Variants in EXOC6B observed in about 807,000 individuals in gnomAD.
EXOC6B encodes SEC15 homolog B.
Under a neutral mutation model 113.5 loss-of-function variants are expected in EXOC6B, and 54 were observed. The observed-to-expected ratio is 0.48, with a 90% CI of 0.38 to 0.60. The LOEUF is 0.60. EXOC6B is among the 20% of genes least tolerant of loss of function. The pLI is 0.00. For missense variants in EXOC6B, 797 were observed against 977.5 expected, an observed-to-expected ratio of 0.82 and a Z score of 2.46; for synonymous variants, 357 against 339.0, an observed-to-expected ratio of 1.05 and a Z score of -0.58.
At chr2:72,192,812 T>G (rs1446957609) in intron 20 of EXOC6B, among the ~76,000 whole-genome samples, 1 of 152,190 alleles carries the variant, frequency 6.6e-6, no homozygotes, top group Non-Finnish European at 1.5e-5. Flanking sequence ...GAAGTAAATT[T>G]GATGTAGGAA....
intron 20 of EXOC6B, among the ~76,000 whole-genome samples, chr2:72,286,732 A>G (rs1455396435): frequency 6.6e-6 from 1 of 152,162 alleles, no homozygotes; most frequent in Non-Finnish European, 1.5e-5. Flanking sequence ...GAGGCTATGC[A>G]TGTAGAGGGG....
chr2:72,403,600 G>A (rs1395599251), intron 18 of EXOC6B, among the ~76,000 whole-genome samples: 1 of 152,164 alleles, frequency 6.6e-6, no homozygotes, highest in Non-Finnish European at 1.5e-5. Flanking sequence ...AGACTGAGGT[G>A]GGAGGATGGC....
chr2:72,452,285 G>C (rs2105365677), intron 18 of EXOC6B, among the ~76,000 whole-genome samples: 1 of 152,270 alleles, frequency 6.6e-6, no homozygotes, highest in South Asian at 2.1e-4. Flanking sequence ...GTCCCTGTTA[G>C]ACATTCCAAT....
intron 20 of EXOC6B, among the ~76,000 whole-genome samples, chr2:72,222,810 A>G (rs986981499): frequency 2.0e-5 from 3 of 152,066 alleles, no homozygotes; most frequent in Non-Finnish European, 4.4e-5. Flanking sequence ...GCTACTTTGA[A>G]CCCTAACTGG....
chr2:72,362,504 A>G (rs949379682), intron 19 of EXOC6B, among the ~76,000 whole-genome samples: 3 of 152,162 alleles, frequency 2.0e-5, no homozygotes, highest in Admixed American at 1.3e-4. Context: ...TGGCTGTTTC[A>G]AATGATTTTA....
intron 1 of EXOC6B, among the ~76,000 whole-genome samples, chr2:72,751,406 A>G (rs1463921422): frequency 1.3e-5 from 2 of 152,070 alleles, no homozygotes; most frequent in Non-Finnish European, 2.9e-5. Flanking sequence ...GGTTACAATA[A>G]GGGGTTGTAG....
At chr2:72,698,602 A>G (rs1678061182) in intron 6 of EXOC6B, among the ~76,000 whole-genome samples, 1 of 151,714 alleles carries the variant, frequency 6.6e-6, no homozygotes, top group African/African-American at 2.4e-5. Context: ...TACAACAGAA[A>G]TAAGGAGCAA....
intron 18 of EXOC6B, among the ~76,000 whole-genome samples, chr2:72,430,250 A>G (rs1695443286): frequency 6.6e-6 from 1 of 152,218 alleles, no homozygotes. Context: ...TCTTCCAAAT[A>G]CTATATGTGG....
rs573236556 is a variant in EXOC6B at position 72,195,046 on chromosome 2, T to C, written c.2197-10859A>G. The stretch of plus-strand genomic sequence containing the variant: ...CAGTGACCAATTGCCTATCAGCAGC[T>C]TCCTCTGAAAGGGAACATCACCCTG... On this transcript the variant is annotated intron_variant, in intron 20 of 21. Transcript: ENST00000272427. 1.7e-3 allele frequency among the ~76,000 whole-genome samples: 255 copies of C among 152,300 alleles called. 2 individuals carry two copies. Among genetic ancestry groups the C allele is most frequent in the African/African-American group, 6.0e-3 (249 of 41,562 alleles).
intron 6 of EXOC6B, among the ~76,000 whole-genome samples, chr2:72,689,919 C>T (rs547709039): frequency 6.6e-6 from 1 of 152,260 alleles, no homozygotes; most frequent in South Asian, 2.1e-4. Flanking sequence ...ATGACTAAGC[C>T]AAGACAATTT....
chr2:72,294,090 AC>A (rs779789861), intron 20 of EXOC6B, among the ~76,000 whole-genome samples: 297 of 152,114 alleles, frequency 2.0e-3, no homozygotes, highest in Non-Finnish European at 3.7e-3. Flanking sequence ...AAAAAAAAAA[AC>A]AATAGTAGAA....
intron 6 of EXOC6B, among the ~76,000 whole-genome samples, chr2:72,654,164 G>A (rs570286776): frequency 4.6e-5 from 7 of 152,148 alleles, no homozygotes; most frequent in African/African-American, 1.7e-4. Context: ...TAGAGACGGG[G>A]TTTCACCGTG....
chr2:72,592,569 C>G (rs1401672384), intron 6 of EXOC6B, among the ~76,000 whole-genome samples: 1 of 152,034 alleles, frequency 6.6e-6, no homozygotes, highest in African/African-American at 2.4e-5. Context: ...AACGTGAATC[C>G]TCTCCAAAAA....
chr2:72,516,275 A>C, intron 8 of EXOC6B, among the ~76,000 whole-genome samples: 1 of 151,986 alleles, frequency 6.6e-6, no homozygotes, highest in Non-Finnish European at 1.5e-5. Context: ...TTGAGACAGC[A>C]TCTCACTCTG....
chr2:72,816,472 T>C (rs1026682189), intron 1 of EXOC6B, among the ~76,000 whole-genome samples: 1 of 152,148 alleles, frequency 6.6e-6, no homozygotes, highest in Admixed American at 6.5e-5. Context: ...TAATATATGC[T>C]CCTATTTGCA....
rs1275345252 is a variant in EXOC6B, at chr2:72,177,380, AC to A, written c.*1954del. On this transcript the variant is annotated 3_prime_UTR_variant, in exon 22 of 22. Coordinates refer to ENST00000272427, the MANE Select transcript of EXOC6B (RefSeq NM_015189.3). ...GAAGAGATCTTGCTGCAAACTGGGTACTAGCAAAGAGAAGTGTTTTGAACTC... is the reference window on the plus strand; with the variant it reads ...GAAGAGATCTTGCTGCAAACTGGGTATAGCAAAGAGAAGTGTTTTGAACTC... The A allele has an allele frequency of 3.3e-5, 5 of 152,262 alleles. No individual in the cohort carries two copies. The highest frequency in any genetic ancestry group is 1.2e-4 in the African/African-American group (5 of 41,482). The allele number at this position is 152,262 out of a possible 1,614,324, so 9.4% of individuals were successfully genotyped here.
At chr2:72,221,503 C>G (rs1295961971) in intron 20 of EXOC6B, among the ~76,000 whole-genome samples, 1 of 152,170 alleles carries the variant, frequency 6.6e-6, no homozygotes, top group African/African-American at 2.4e-5. Context: ...ACTCTCCAAT[C>G]CCTTTCCCTT....
In EXOC6B at chr2:72,177,259, C is replaced by G. The variant is rs1481394069; in HGVS notation, c.*2076G>C. ...GTTCTTCCAAGGCAGAGGTTTGAGA[C>G]CAGACCAGCAATGATGATCCTCTAA... On this transcript the variant is annotated 3_prime_UTR_variant, in exon 22 of 22. Coordinates refer to ENST00000272427, the MANE Select transcript of EXOC6B (RefSeq NM_015189.3). The G allele has an allele frequency of 1.3e-5, 2 of 152,224 alleles. No homozygotes were observed. The highest frequency in any genetic ancestry group is 4.8e-5 in the African/African-American group (2 of 41,454). 9.4% of individuals were successfully genotyped at this position (152,224 alleles called of 1,614,324 possible).
At chr2:72,607,725 C>T (rs369333940) in intron 6 of EXOC6B, among the ~76,000 whole-genome samples, 2 of 151,878 alleles carry the variant, frequency 1.3e-5, no homozygotes, top group African/African-American at 4.8e-5. Flanking sequence ...GTAAGTTAAG[C>T]AAACTTTACA....
Sources: gnomAD v4.1 joint callset for allele counts (sites outside exome capture counted in the v4.1 genomes callset) on GRCh38, gnomAD v4.1.1 for gene constraint, MANE v1.5 for transcripts, NCBI Gene and HGNC (gene_info 2026-07-23, HGNC 2026-07-21) for gene names.